The following PCDH7 variants were observed in gnomAD, a reference collection of about 807,000 sequenced individuals.
PCDH7 encodes protocadherin 7.
PCDH7 carries 17 observed loss-of-function variants against 58.9 expected under a neutral mutation model. The ratio of observed to expected loss-of-function variants is 0.29; its 90% CI spans 0.20 to 0.43. The LOEUF (loss-of-function observed/expected upper bound fraction) is 0.43, where lower values mean the gene tolerates loss of function less well. PCDH7 is among the 20% of genes least tolerant of loss of function. The pLI is 1.00. For missense variants in PCDH7, 1,274 were observed against 1,441.0 expected (o/e 0.88, Z 1.88); for synonymous variants, 664 against 616.4 (o/e 1.08, Z -1.14).
chr4:30,934,123 C>T (rs1166844333), intron 2 of PCDH7, among the ~76,000 whole-genome samples: 9 of 152,204 alleles, frequency 5.9e-5, no homozygotes, highest in Non-Finnish European at 1.3e-4. Context: ...TGGTCCATCT[C>T]TTTCTCCCAG....
At chr4:30,896,940 T>C (rs1348543309) in intron 1 of PCDH7, among the ~76,000 whole-genome samples, 3 of 136,242 alleles carry the variant, frequency 2.2e-5, no homozygotes, top group Non-Finnish European at 3.1e-5. Flanking sequence ...AGTCTTGCTC[T>C]GTCACCCAGG....
intron 3 of PCDH7, among the ~76,000 whole-genome samples, chr4:30,971,411 A>G (rs9999949): frequency 0.62 from 93,811 of 152,064 alleles, 30,298 homozygotes; most frequent in African/African-American, 0.82. Flanking sequence ...AAGTTTAGGA[A>G]GGATTATTTC....
chr4:30,969,235 A>G (rs1214764119), intron 3 of PCDH7, among the ~76,000 whole-genome samples: 1 of 152,158 alleles, frequency 6.6e-6, no homozygotes, highest in African/African-American at 2.4e-5. Context: ...TGTCACCCCT[A>G]TACAATGCAT....
chr4:31,141,822 G>T lies in PCDH7; in HGVS notation c.*8-651G>T, dbSNP rs561250897. Among the ~76,000 whole-genome samples, 7 of 152,228 alleles carry T rather than the reference G, an allele frequency of 4.6e-5. No individual in the cohort carries two copies. In the South Asian group the frequency reaches 8.3e-4, roughly 18 times the overall value. ...TTAGGTCATTTGGCATGGTAGGAGG[G>T]GGGTGAGGGGATGTGGGCTAGGGTG... On this transcript the variant is annotated intron_variant, in intron 3 of 3. Transcript: ENST00000509759.
chr4:31,093,275 A>G (rs147582135), intron 3 of PCDH7, among the ~76,000 whole-genome samples: 1 of 152,234 alleles, frequency 6.6e-6, no homozygotes, highest in East Asian at 1.9e-4. Context: ...CATTTATTTC[A>G]TTATAGTTTA....
chr4:31,079,345 T>TAG (rs1294309324), intron 3 of PCDH7, among the ~76,000 whole-genome samples: 2 of 74,222 alleles, frequency 2.7e-5, no homozygotes, highest in Non-Finnish European at 2.5e-5. Flanking sequence ...TATATATATA[T>TAG]ATATATATAT....
At chr4:31,143,679 A>G (rs1208280356), downstream of PCDH7, 2 of 152,202 alleles carry the variant, frequency 1.3e-5, no homozygotes, top group Admixed American at 1.3e-4. Context: ...GAACAATTGT[A>G]TCATCCAAAG....
At chr4:30,724,683 C>G (rs778069209) in intron 1 of PCDH7, 87 bp downstream of exon 1, 1 of 1,476,018 alleles carries the variant, frequency 6.8e-7, no homozygotes, top group Non-Finnish European at 9.0e-7. Context: ...TTTGTCTTCT[C>G]GTTTTTAAAG....
chr4:30,983,796 C>G (rs1190055514), intron 3 of PCDH7, among the ~76,000 whole-genome samples: 1 of 152,136 alleles, frequency 6.6e-6, no homozygotes, highest in East Asian at 1.9e-4. Context: ...GATCCTGAAA[C>G]TAATTAATGT....
At chr4:30,881,383 A>G (rs1736956137) in intron 1 of PCDH7, among the ~76,000 whole-genome samples, 1 of 152,100 alleles carries the variant, frequency 6.6e-6, no homozygotes, top group South Asian at 2.1e-4. Flanking sequence ...AGAACAAACT[A>G]TAAGTTTCCT....
intron 3 of PCDH7, among the ~76,000 whole-genome samples, chr4:31,084,141 AACTATATTTAGAATAAATCTGAGCTG>A (rs1032883951): frequency 6.6e-6 from 1 of 152,160 alleles, no homozygotes; most frequent in East Asian, 1.9e-4. Flanking sequence ...TTTCAGATGT[AACTATATTTAGAATAAATCTGAGCTG>A]ACTATATTTA....
chr4:30,793,119 G>A (rs146419499), intron 1 of PCDH7, among the ~76,000 whole-genome samples: 23 of 152,148 alleles, frequency 1.5e-4, no homozygotes, highest in African/African-American at 5.3e-4. Flanking sequence ...TCACATAAAC[G>A]CCTTGCTATT....
At chr4:30,942,690 G>A (rs1283274782) in intron 2 of PCDH7, among the ~76,000 whole-genome samples, 1 of 151,886 alleles carries the variant, frequency 6.6e-6, no homozygotes, top group Admixed American at 6.6e-5. Context: ...GAGTAACCCA[G>A]GTTAAGAACA....
chr4:30,898,288 A>G (rs2109391752), intron 1 of PCDH7, among the ~76,000 whole-genome samples: 1 of 152,278 alleles, frequency 6.6e-6, no homozygotes, highest in Middle Eastern at 3.4e-3. Flanking sequence ...AAGGAGTTTA[A>G]GTGTAGGGCT....
At chr4:30,821,971 C>T (rs77343141) in intron 1 of PCDH7, among the ~76,000 whole-genome samples, 3,943 of 152,176 alleles carry the variant, frequency 0.026, 78 homozygotes, top group Middle Eastern at 0.058. Context: ...TTTTTATTAA[C>T]GGTTGAATTA....
At chr4:30,819,802 T>A (rs1214938082) in intron 1 of PCDH7, among the ~76,000 whole-genome samples, 1 of 152,126 alleles carries the variant, frequency 6.6e-6, no homozygotes, top group Non-Finnish European at 1.5e-5. Flanking sequence ...TATAGCAAAT[T>A]ATTCTAAAGA....
At chr4:30,859,971 C>G (rs1039778525) in intron 1 of PCDH7, among the ~76,000 whole-genome samples, 1 of 152,094 alleles carries the variant, frequency 6.6e-6, no homozygotes, top group Non-Finnish European at 1.5e-5. Context: ...GAAAATGTGA[C>G]TGAGGCTGGG....
Position 31,097,492 on chromosome 4 carries a change from AAAAGAAAG to A in PCDH7, c.*8-44971_*8-44964del, listed in dbSNP as rs1253514388. On this transcript the variant is annotated intron_variant, in intron 3 of 3. Coordinates refer to the PCDH7 transcript ENST00000509759. ...AGGAAGAAAGAAAGGAAGAAAGAAAAAAAGAAAGAAAGAAAGAGAGAAAGAAAGAAGAA... is the reference window on the plus strand; with the variant it reads ...AGGAAGAAAGAAAGGAAGAAAGAAAAAAAGAAAGAGAGAAAGAAAGAAGAA... 6.3e-4 allele frequency among the ~76,000 whole-genome samples: 75 copies of A among 119,038 alleles called. 1 individual carries two copies. In the East Asian group the frequency reaches 0.02, roughly 31 times the overall value. 78.1% of individuals were successfully genotyped at this position (119,038 alleles called of 152,430 possible).
intron 3 of PCDH7, among the ~76,000 whole-genome samples, chr4:31,074,154 C>T (rs1340712525): frequency 2.0e-5 from 3 of 151,780 alleles, no homozygotes; most frequent in Non-Finnish European, 4.4e-5. Flanking sequence ...ACCCCCGTCA[C>T]ATTCAACCAT....
Sources: gnomAD v4.1 joint callset for allele counts (sites outside exome capture counted in the v4.1 genomes callset) on GRCh38, gnomAD v4.1.1 for gene constraint, MANE v1.5 for transcripts, NCBI Gene and HGNC (gene_info 2026-07-23, HGNC 2026-07-21) for gene names.